The following ARHGEF3 variants were observed in gnomAD, a reference collection of about 807,000 sequenced individuals.
The protein encoded by ARHGEF3 is 59.8 kDA protein.
Under a neutral mutation model 63.2 loss-of-function variants are expected in ARHGEF3, and 28 were observed. The ratio of observed to expected loss-of-function variants is 0.44; its 90% CI spans 0.33 to 0.61. ARHGEF3 has a LOEUF of 0.61. Among genes scored for constraint, ARHGEF3 ranks in the 20% least tolerant of loss-of-function variants. The probability of loss-of-function intolerance (pLI) is 0.03; values close to 1 mark genes in which losing one functional copy is unlikely to be tolerated. For missense variants in ARHGEF3, 533 were observed against 659.3 expected, an observed-to-expected ratio of 0.81 and a Z score of 2.10; for synonymous variants, 266 against 254.2, an observed-to-expected ratio of 1.05 and a Z score of -0.44.
chr3:56,851,900 T>C (rs2039688928), intron 4 of ARHGEF3, among the ~76,000 whole-genome samples: 1 of 152,226 alleles, frequency 6.6e-6, no homozygotes, highest in Non-Finnish European at 1.5e-5. Flanking sequence ...CGAGTTACCA[T>C]GCCTGGTCTT....
chr3:56,736,307 A>T (rs1168909605), intron 8 of ARHGEF3, among the ~76,000 whole-genome samples: 1 of 152,178 alleles, frequency 6.6e-6, no homozygotes, highest in Non-Finnish European at 1.5e-5. Context: ...AAATCACTAT[A>T]TTAAGTGCTC....
At chr3:56,753,068 C>A (rs1197573671) in intron 4 of ARHGEF3, among the ~76,000 whole-genome samples, 1 of 152,186 alleles carries the variant, frequency 6.6e-6, no homozygotes, top group East Asian at 1.9e-4. Context: ...ATATAAAAGA[C>A]CCCAACTTAT....
At chr3:57,016,215 A>T (rs1291219628) in intron 2 of ARHGEF3, among the ~76,000 whole-genome samples, 1 of 152,140 alleles carries the variant, frequency 6.6e-6, no homozygotes, top group Non-Finnish European at 1.5e-5. Context: ...GGTAAGACGC[A>T]GGCAGGTGGA....
At chr3:56,872,498 C>A (rs1230686913) in intron 4 of ARHGEF3, among the ~76,000 whole-genome samples, 2 of 149,750 alleles carry the variant, frequency 1.3e-5, no homozygotes, top group African/African-American at 4.9e-5. Flanking sequence ...TCCTTATATA[C>A]CTCTTTTCAT....
Position 56,729,563 on chromosome 3 carries a change from G to C in ARHGEF3, c.1288C>G (p.Gln430Glu), listed in dbSNP as rs780757348. ...NGSQSQTHSL[Q>E]ANDTFNKQQW... Reference sequence around the variant, plus strand: ...TGTTTGTTGAAAGTGTCATTGGCTTGTAGCGAGTGGGTCTGACTTTGGGAT... The same window carrying C: ...TGTTTGTTGAAAGTGTCATTGGCTTCTAGCGAGTGGGTCTGACTTTGGGAT... Residue 430 changes from glutamine to glutamate, a missense_variant, in exon 10 of 10, where the codon CAA (glutamine) becomes GAA (glutamate). Physicochemically the swap from Gln to Glu is conservative, Grantham distance 29 (BLOSUM62 2). This residue lies in a region of ARHGEF3 where 151 missense variants were observed against 190.7 expected (regional missense o/e 0.79). Coordinates refer to ENST00000296315, the MANE Select transcript of ARHGEF3 (RefSeq NM_019555.3). 6.2e-7 allele frequency: 1 copy of C among 1,613,160 alleles called. No individual in the cohort carries two copies. Among genetic ancestry groups the C allele is most frequent in the Non-Finnish European group, 8.5e-7 (1 of 1,179,198 alleles).
intron 3 of ARHGEF3, among the ~76,000 whole-genome samples, chr3:56,933,974 C>T (rs886673412): frequency 1.3e-5 from 2 of 152,332 alleles, no homozygotes; most frequent in South Asian, 4.1e-4. Flanking sequence ...TTCCTTCACA[C>T]ACTTGCTCTC....
intron 2 of ARHGEF3, among the ~76,000 whole-genome samples, chr3:56,756,958 A>T (rs1578425531): frequency 6.6e-6 from 1 of 152,200 alleles, no homozygotes; most frequent in East Asian, 1.9e-4. Context: ...ATTCAGACAT[A>T]CTTCTGATAT....
chr3:57,001,503 C>T (rs141623472), intron 2 of ARHGEF3, among the ~76,000 whole-genome samples: 13 of 152,314 alleles, frequency 8.5e-5, no homozygotes, highest in Middle Eastern at 3.4e-3. Context: ...GAACTCAACA[C>T]GTTCCCAAGT....
At chr3:57,053,869 G>C in intron 1 of ARHGEF3, among the ~76,000 whole-genome samples, 2 of 152,232 alleles carry the variant, frequency 1.3e-5, no homozygotes. Context: ...GTATCCCATT[G>C]TATGGATATA....
intron 2 of ARHGEF3, among the ~76,000 whole-genome samples, chr3:57,031,296 A>G (rs1703722741): frequency 6.6e-6 from 1 of 152,198 alleles, no homozygotes; most frequent in Non-Finnish European, 1.5e-5. Context: ...GTGTTTACTG[A>G]TTACCATTTC....
intron 2 of ARHGEF3, among the ~76,000 whole-genome samples, chr3:56,765,626 A>T (rs542753195): frequency 7.9e-5 from 12 of 152,234 alleles, no homozygotes; most frequent in African/African-American, 2.9e-4. Flanking sequence ...GCCATCCCAT[A>T]TTCCCTTCTG....
intron 3 of ARHGEF3, among the ~76,000 whole-genome samples, chr3:56,894,144 G>A (rs1227693140): frequency 3.3e-5 from 5 of 152,148 alleles, no homozygotes; most frequent in Non-Finnish European, 7.3e-5. Flanking sequence ...ATGAGGGACT[G>A]GGGCTGGCAG....
intron 1 of ARHGEF3, among the ~76,000 whole-genome samples, chr3:57,059,583 G>C (rs1342851112): frequency 6.6e-6 from 1 of 152,046 alleles, no homozygotes. Flanking sequence ...GTTCAAATCT[G>C]GCTCTGCTAT....
At chr3:56,848,163 G>T (rs1255159833) in intron 4 of ARHGEF3, among the ~76,000 whole-genome samples, 1 of 152,120 alleles carries the variant, frequency 6.6e-6, no homozygotes, top group Non-Finnish European at 1.5e-5. Context: ...AAATGATAGG[G>T]TGTCTGGAAT....
chr3:57,071,334 C>T (rs1208841481), intron 1 of ARHGEF3, among the ~76,000 whole-genome samples: 1 of 152,092 alleles, frequency 6.6e-6, no homozygotes, highest in African/African-American at 2.4e-5. Flanking sequence ...AGTTCTAAAT[C>T]TAAGAGCTAA....
chr3:56,844,003 A>G (rs541315881), intron 4 of ARHGEF3, among the ~76,000 whole-genome samples: 1 of 152,316 alleles, frequency 6.6e-6, no homozygotes, highest in South Asian at 2.1e-4. Context: ...AGACTCATCA[A>G]TTGCAAAATG....
At chr3:56,851,238 C>T (rs888962471) in intron 4 of ARHGEF3, among the ~76,000 whole-genome samples, 6 of 152,108 alleles carry the variant, frequency 3.9e-5, no homozygotes, top group African/African-American at 1.4e-4. Flanking sequence ...CTCATGATCA[C>T]CTTCCCACCT....
At chr3:56,942,906 G>C (rs1243732806) in intron 3 of ARHGEF3, among the ~76,000 whole-genome samples, 1 of 152,210 alleles carries the variant, frequency 6.6e-6, no homozygotes, top group East Asian at 1.9e-4. Context: ...TCCAGAGCAA[G>C]GCCCTAACTC....
chr3:57,010,899 T>C (rs1702671529), intron 2 of ARHGEF3, among the ~76,000 whole-genome samples: 1 of 152,044 alleles, frequency 6.6e-6, no homozygotes, highest in African/African-American at 2.4e-5. Context: ...CCACTAAGCT[T>C]AGAAAGAAAG....
Sources: gnomAD v4.1 joint callset for allele counts (sites outside exome capture counted in the v4.1 genomes callset) on GRCh38, gnomAD v4.1.1 for gene constraint, gnomAD v4.1.1 regional missense constraint, MANE v1.5 for transcripts, NCBI Gene and HGNC (gene_info 2026-07-23, HGNC 2026-07-21) for gene names.